The following EXOC4 variants were observed in gnomAD, a reference collection of about 807,000 sequenced individuals.
EXOC4 encodes the protein SEC8-like 1.
In EXOC4, 71 loss-of-function variants were observed where a neutral mutation model predicts 107.2. The ratio of observed to expected loss-of-function variants is 0.66; its 90% CI spans 0.55 to 0.81. The LOEUF (loss-of-function observed/expected upper bound fraction) is 0.81. Ranked by LOEUF, EXOC4 falls within the 30% of genes least tolerant of loss-of-function variation. EXOC4 has a pLI of 0.00. For synonymous variants in EXOC4, 456 were observed against 441.2 expected, an observed-to-expected ratio of 1.03 and a Z score of -0.42; for missense variants, 1,108 against 1,189.6, an observed-to-expected ratio of 0.93 and a Z score of 1.01.
chr7:133,963,868 A>G (rs926114481), intron 14 of EXOC4, among the ~76,000 whole-genome samples: 3 of 152,168 alleles, frequency 2.0e-5, no homozygotes, highest in African/African-American at 7.2e-5. Context: ...ATAAGACATG[A>G]GTTAAATTAA....
intron 2 of EXOC4, among the ~76,000 whole-genome samples, chr7:133,287,350 G>A (rs543989122): frequency 1.3e-4 from 19 of 151,470 alleles, no homozygotes; most frequent in South Asian, 2.1e-4. Context: ...TTGCTCTGTC[G>A]CCCAGGCTGG....
chr7:134,027,412 C>T (rs1795164178), intron 17 of EXOC4, among the ~76,000 whole-genome samples: 1 of 152,140 alleles, frequency 6.6e-6, no homozygotes, highest in South Asian at 2.1e-4. Flanking sequence ...GTAACCCCAG[C>T]ACTTTGGGAG....
At chr7:133,440,082 T>TC (rs1798071114) in intron 7 of EXOC4, among the ~76,000 whole-genome samples, 1 of 152,178 alleles carries the variant, frequency 6.6e-6, no homozygotes, top group Non-Finnish European at 1.5e-5. Flanking sequence ...GGCAACCCTC[T>TC]CCCACCCCCA....
chr7:133,522,574 A>G (rs1361266108), intron 9 of EXOC4, among the ~76,000 whole-genome samples: 1 of 152,146 alleles, frequency 6.6e-6, no homozygotes, highest in Non-Finnish European at 1.5e-5. Context: ...TAAAAGTTTA[A>G]TATTTTGGGC....
chr7:133,649,672 G>A (rs958236974), intron 10 of EXOC4, among the ~76,000 whole-genome samples: 8 of 152,122 alleles, frequency 5.3e-5, no homozygotes, highest in Non-Finnish European at 1.0e-4. Flanking sequence ...GTGGAATTGG[G>A]TTCAAGGCCA....
At chr7:133,465,610 A>C (rs1798708676) in intron 7 of EXOC4, among the ~76,000 whole-genome samples, 1 of 152,244 alleles carries the variant, frequency 6.6e-6, no homozygotes, top group Non-Finnish European at 1.5e-5. Flanking sequence ...GTCATATAGA[A>C]TATTCTCCAT....
chr7:133,484,542 AAAAAAC>A (rs1799230828), intron 9 of EXOC4, among the ~76,000 whole-genome samples: 1 of 152,146 alleles, frequency 6.6e-6, no homozygotes, highest in Non-Finnish European at 1.5e-5. Flanking sequence ...GAGGGTTAAA[AAAAAAC>A]AAAAACAAAA....
chr7:133,662,451 T>C (rs1460513274), intron 10 of EXOC4, among the ~76,000 whole-genome samples: 1 of 152,128 alleles, frequency 6.6e-6, no homozygotes, highest in Non-Finnish European at 1.5e-5. Flanking sequence ...TATGTGTCTT[T>C]AGGGACTTTG....
intron 10 of EXOC4, among the ~76,000 whole-genome samples, chr7:133,815,550 G>T (rs906673923): frequency 6.6e-6 from 1 of 152,062 alleles, no homozygotes; most frequent in Non-Finnish European, 1.5e-5. Flanking sequence ...AGTGCTTGCC[G>T]CTGTCTTATA....
At chr7:133,466,719 G>A (rs945894116) in intron 7 of EXOC4, among the ~76,000 whole-genome samples, 4 of 152,158 alleles carry the variant, frequency 2.6e-5, no homozygotes, top group African/African-American at 9.6e-5. Context: ...AAGTATTATA[G>A]AAAACTGTAG....
At chr7:133,496,382 G>A (rs1287836797) in intron 9 of EXOC4, among the ~76,000 whole-genome samples, 1 of 152,054 alleles carries the variant, frequency 6.6e-6, no homozygotes, top group Non-Finnish European at 1.5e-5. Flanking sequence ...GCTGAGGCTG[G>A]TCTCAAGCTC....
At chr7:133,570,007 T>C (rs1800987204) in intron 9 of EXOC4, among the ~76,000 whole-genome samples, 1 of 152,238 alleles carries the variant, frequency 6.6e-6, no homozygotes, top group South Asian at 2.1e-4. Context: ...CATAGTTGCC[T>C]AGCCCCTTCT....
intron 6 of EXOC4, among the ~76,000 whole-genome samples, chr7:133,364,114 A>C (rs1389259927): frequency 1.3e-5 from 2 of 152,122 alleles, no homozygotes; most frequent in East Asian, 3.9e-4. Flanking sequence ...GGCTGGGCAC[A>C]TACGAAATGC....
At chr7:134,019,601 T>C (rs1747083355) in intron 17 of EXOC4, among the ~76,000 whole-genome samples, 1 of 152,144 alleles carries the variant, frequency 6.6e-6, no homozygotes, top group Admixed American at 6.5e-5. Context: ...ATGAGAAAAC[T>C]AAAGCTTAAC....
intron 10 of EXOC4, among the ~76,000 whole-genome samples, chr7:133,708,121 T>C (rs1405232853): frequency 6.6e-6 from 1 of 152,100 alleles, no homozygotes; most frequent in Non-Finnish European, 1.5e-5. Flanking sequence ...ACTGACTTCT[T>C]AGTATAAGGT....
intron 9 of EXOC4, among the ~76,000 whole-genome samples, chr7:133,497,283 C>A (rs1799496049): frequency 6.6e-6 from 1 of 152,130 alleles, no homozygotes; most frequent in Non-Finnish European, 1.5e-5. Context: ...TTTTTCTGAG[C>A]TGTTAAATTT....
chr7:133,762,102 G>T (rs764619439), intron 10 of EXOC4, among the ~76,000 whole-genome samples: 8 of 152,150 alleles, frequency 5.3e-5, no homozygotes, highest in Non-Finnish European at 8.8e-5. Context: ...GCTCTGAGTG[G>T]AATCCATGAT....
intron 9 of EXOC4, among the ~76,000 whole-genome samples, chr7:133,626,642 T>C (rs1052987977): frequency 6.6e-6 from 1 of 152,206 alleles, no homozygotes; most frequent in Non-Finnish European, 1.5e-5. Context: ...GAATCAGTAG[T>C]CATCCTTCTG....
chr7:133,459,005 C>G (rs1798528370), intron 7 of EXOC4, among the ~76,000 whole-genome samples: 1 of 152,096 alleles, frequency 6.6e-6, no homozygotes. Context: ...CTGGTAAATG[C>G]AATTAAGACC....
Sources: allele counts gnomAD v4.1 joint callset (sites outside exome capture counted in the v4.1 genomes callset), GRCh38; gene constraint gnomAD v4.1.1; transcripts MANE v1.5; gene names NCBI Gene and HGNC (gene_info 2026-07-23, HGNC 2026-07-21).